The following PRAMEF1 variants were observed in gnomAD, a reference collection of about 807,000 sequenced individuals.
PRAMEF1 encodes PRAME family member 1.
PRAMEF1 carries 21 observed loss-of-function variants against 38.2 expected under a neutral mutation model. That is an observed-to-expected ratio of 0.55 (90% CI 0.39 to 0.79). The LOEUF (loss-of-function observed/expected upper bound fraction) is 0.79. PRAMEF1 is among the 30% of genes least tolerant of loss of function. PRAMEF1 has a pLI of 0.00. For synonymous variants in PRAMEF1, 200 were observed against 229.0 expected, an observed-to-expected ratio of 0.87 and a Z score of 1.14; for missense variants, 497 against 565.8, an observed-to-expected ratio of 0.88 and a Z score of 1.23.
Position 12,794,211 on chromosome 1 carries a change from T to C in PRAMEF1, c.584T>C (p.Leu195Pro), listed in dbSNP as rs1445594940. Residue 195 changes from leucine (L) to proline (P), a missense_variant, in exon 3 of 4, where the codon CTC becomes CCC. This residue lies in a region of PRAMEF1 where 470 missense variants were observed against 501.9 expected (regional missense o/e 0.94). Transcript: ENST00000332296. The part of the protein sequence containing the change: ...LVNYLTPIKY[L>P]RKSLKIIYLN... The stretch of plus-strand genomic sequence containing the variant: ...AATTATCTAACGCCGATTAAATATC[T>C]CAGAAAGTCATTGAAAATAATATAC... 6.2e-7 allele frequency: 1 copy of C among 1,611,426 alleles called. No individual in the cohort carries two copies. The highest frequency in any genetic ancestry group is 8.5e-7 in the Non-Finnish European group (1 of 1,178,380).
At position 12,794,338 on chromosome 1, in the gene PRAMEF1, C is replaced by A. The variant is rs753223619; in HGVS notation, c.711C>A (p.Leu237=). 3.7e-6 allele frequency: 6 copies of A among 1,612,042 alleles called. No individual in the cohort carries two copies. Among genetic ancestry groups the A allele is most frequent in the Non-Finnish European group, 5.1e-6 (6 of 1,179,062 alleles). The part of the protein sequence containing the change: ...YLKEMKNLRK[L]VFSRCHHYTS... The stretch of plus-strand genomic sequence containing the variant: ...AGGAGATGAAGAATCTTCGCAAACT[C>A]GTTTTCTCCAGGTGCCATCATTACA... The change falls in exon 3 of 4, where the codon CTC becomes CTA. Residue 237 remains leucine, a synonymous_variant. Coordinates refer to ENST00000332296, the MANE Select transcript of PRAMEF1 (RefSeq NM_023013.4).
rs200116759 is a variant in PRAMEF1 at position 12,795,827 on chromosome 1, T to C, written c.1256T>C (p.Leu419Ser). ...LETYPAPEES[L>S]NSLVRVNWEI... ...ACGTATCCTGCCCCTGAGGAGAGTTTGAATTCCTTGGTTCGTGTCAATTGG... is the reference window on the plus strand; with the variant it reads ...ACGTATCCTGCCCCTGAGGAGAGTTCGAATTCCTTGGTTCGTGTCAATTGG... Residue 419 changes from leucine (L) to serine (S), a missense_variant, in exon 4 of 4, where the codon TTG (leucine) becomes TCG (serine). Physicochemically the swap from Leu to Ser is moderately radical, Grantham distance 145. Transcript: ENST00000332296. The C allele has an allele frequency of 2.8e-4, 449 of 1,610,618 alleles. 5 individuals carry two copies. In the East Asian group the frequency reaches 1.0e-2, roughly 36 times the overall value.
At chr1:12,793,717 G>A (rs1430118801) in intron 2 of PRAMEF1, among the ~76,000 whole-genome samples, 198 bp from the exon 3 acceptor site, 1 of 151,410 alleles carries the variant, frequency 6.6e-6, no homozygotes, top group Non-Finnish European at 1.5e-5. Flanking sequence ...ACAGAAACCT[G>A]CCTTTACTCA....
chr1:12,794,218 G>A lies in PRAMEF1; in HGVS notation c.591G>A (p.Lys197=). The A allele has an allele frequency of 6.2e-7, 1 of 1,611,484 alleles. No individual in the cohort carries two copies. Residue 197 remains lysine (K), a synonymous_variant, in exon 3 of 4, where the codon AAG becomes AAA. Coordinates refer to ENST00000332296, the MANE Select transcript of PRAMEF1 (RefSeq NM_023013.4). ...TAACGCCGATTAAATATCTCAGAAAGTCATTGAAAATAATATACCTGAATA... is the reference window on the plus strand; with the variant it reads ...TAACGCCGATTAAATATCTCAGAAAATCATTGAAAATAATATACCTGAATA... ...NYLTPIKYLR[K]SLKIIYLNSI...
In PRAMEF1 at chr1:12,793,285, G is replaced by C; in HGVS notation, c.58G>C (p.Asp20His). The change falls in exon 2 of 4, where the codon GAC becomes CAC. Residue 20 changes from aspartate to histidine, a missense_variant. Physicochemically the swap from Asp to His is moderately conservative, Grantham distance 81. Around this residue, in one of 2 missense-constraint regions of PRAMEF1, gnomAD observed 470 missense variants for 501.9 expected, o/e 0.94. Transcript: ENST00000332296. ...GCTGGCAGGGCAGAGCCTGCTGAGA[G>C]ACCAGGCCTTGTCCATCTCTGCCAT... ...LELAGQSLLR[D>H]QALSISAMEE... 1.9e-6 allele frequency: 3 copies of C among 1,607,830 alleles called. No individual in the cohort carries two copies. Among genetic ancestry groups the C allele is most frequent in the South Asian group, 2.2e-5 (2 of 90,328 alleles).
intron 3 of PRAMEF1, chr1:12,794,899 G>T (rs530077980): frequency 7.6e-7 from 1 of 1,323,260 alleles, no homozygotes; most frequent in Non-Finnish European, 1.0e-6. Flanking sequence ...TGTCCTCACC[G>T]GCTTAGTGAT....
At chr1:12,793,067 A>G in intron 1 of PRAMEF1, 136 bp from the exon 2 acceptor site, 1 of 1,218,402 alleles carries the variant, frequency 8.2e-7, no homozygotes, top group South Asian at 1.5e-5. Context: ...GGAGCAATGG[A>G]AGAAAATTAA....
chr1:12,793,102 T>TC (rs1639322961), intron 1 of PRAMEF1, 101 bp from the exon 2 acceptor site: 3 of 1,463,288 alleles, frequency 2.1e-6, no homozygotes, highest in Non-Finnish European at 2.8e-6. Flanking sequence ...CCATGACCCC[T>TC]CCCTCCTTGG....
In PRAMEF1 at chr1:12,794,371, T is replaced by A. The variant is rs199618208; in HGVS notation, c.744T>A (p.Asp248Glu). ...CCAGGTGCCATCATTACACGTCAGA[T>A]AATGAACTCGAAGGACGGTTAGTTG... ...VFSRCHHYTS[D>E]NELEGRLVAK... is the part of the protein sequence containing the mutation. Residue 248 changes from aspartate (D) to glutamate (E), a missense_variant, in exon 3 of 4, where the codon GAT becomes GAA. Transcript: ENST00000332296. The A allele has an allele frequency of 6.2e-7, 1 of 1,602,904 alleles. No individual in the cohort carries two copies.
rs368986123 is a variant in PRAMEF1, at chr1:12,794,125, C to T, written c.498C>T (p.Tyr166=). 1.1e-5 allele frequency: 18 copies of T among 1,610,284 alleles called. 2 individuals are homozygous for T. Among genetic ancestry groups the T allele is most frequent in the African/African-American group, 9.4e-5 (7 of 74,770 alleles). The change falls in exon 3 of 4, where the codon TAC becomes TAT. Residue 166 remains tyrosine, a synonymous_variant. Transcript: ENST00000332296. ...TACCCCAGGATGAATGCCTGAGATA[C>T]CTCTTCCAGTGGGTTTACCAAAGGA... is the stretch of plus-strand genomic sequence containing the variant. ...KEIPQDECLR[Y]LFQWVYQRRG...
intron 1 of PRAMEF1, among the ~76,000 whole-genome samples, chr1:12,792,600 A>G (rs2359502): frequency 6.6e-6 from 1 of 151,334 alleles, no homozygotes; most frequent in African/African-American, 2.4e-5. Context: ...TGTTTGAGTC[A>G]GAGTCCAAGT....
At position 12,795,234 on chromosome 1, in the gene PRAMEF1, AC is replaced by A. The variant is rs574794163; in HGVS notation, c.867-203del. Among the ~76,000 whole-genome samples the A allele has an allele frequency of 1.5e-3, 223 of 151,848 alleles. 3 individuals are homozygous for A. Among genetic ancestry groups the A allele is most frequent in the African/African-American group, 4.9e-3 (204 of 41,318 alleles). On this transcript the variant is annotated intron_variant, in intron 3 of 3. Transcript: ENST00000332296. The stretch of plus-strand genomic sequence containing the variant: ...GATTTTATGGCCTTGAACCAATCAC[AC>A]AAGCAATGGTGAAAGGGCTGAGGCT...
At position 12,794,014 on chromosome 1, in the gene PRAMEF1, G is replaced by C. The variant is rs538325834; in HGVS notation, c.387G>C (p.Thr129=). Residue 129 remains threonine (T), a synonymous_variant, in exon 3 of 4, where the codon ACG becomes ACC. Coordinates refer to ENST00000332296, the MANE Select transcript of PRAMEF1 (RefSeq NM_023013.4). ...CCCTGTCCTGCTTCCCAGAGACCACGAGTAAGAGGCAGACAGCAGAGGACT... is the reference window on the plus strand; with the variant it reads ...CCCTGTCCTGCTTCCCAGAGACCACCAGTAAGAGGCAGACAGCAGAGGACT... The part of the protein sequence containing the change: ...AWALSCFPET[T]SKRQTAEDCP... 1.7e-5 allele frequency: 28 copies of C among 1,608,164 alleles called. 2 individuals carry two copies. In the East Asian group the frequency reaches 5.9e-4, roughly 34 times the overall value.
At position 12,794,002 on chromosome 1, in the gene PRAMEF1, C is replaced by G; in HGVS notation, c.375C>G (p.Phe125Leu). ...RWPGAWALSC[F>L]PETTSKRQTA... is the part of the protein sequence containing the mutation. ...CTGGAGCCTGGGCCCTGTCCTGCTT[C>G]CCAGAGACCACGAGTAAGAGGCAGA... Residue 125 changes from phenylalanine to leucine, a missense_variant, in exon 3 of 4, where the codon TTC (phenylalanine) becomes TTG (leucine). Physicochemically the swap from Phe to Leu is conservative, Grantham distance 22. Coordinates refer to ENST00000332296, the MANE Select transcript of PRAMEF1 (RefSeq NM_023013.4). 1 of 1,608,140 alleles carries G rather than the reference C, an allele frequency of 6.2e-7. No homozygotes were observed. Among genetic ancestry groups the G allele is most frequent in the Non-Finnish European group, 8.5e-7 (1 of 1,177,792 alleles).
chr1:12,793,398 G>C lies in PRAMEF1; in HGVS notation c.171G>C (p.Gln57His), dbSNP rs1431757620. 1.2e-6 allele frequency: 2 copies of C among 1,610,178 alleles called. No individual in the cohort carries two copies. The highest frequency in any genetic ancestry group is 1.7e-6 in the Non-Finnish European group (2 of 1,177,960). The change falls in exon 2 of 4, where the codon CAG becomes CAC. Residue 57 changes from glutamine (Q) to histidine (H), a missense_variant. Around this residue, in one of 2 missense-constraint regions of PRAMEF1, gnomAD observed 470 missense variants for 501.9 expected, o/e 0.94. Coordinates refer to ENST00000332296, the MANE Select transcript of PRAMEF1 (RefSeq NM_023013.4). ...RHFQTLTVMV[Q>H]AWPFTCLPLG... ...TCCAGACTCTGACGGTGATGGTTCAGGCCTGGCCCTTCACCTGCCTCCCTC... is the reference window on the plus strand; with the variant it reads ...TCCAGACTCTGACGGTGATGGTTCACGCCTGGCCCTTCACCTGCCTCCCTC...
intron 1 of PRAMEF1, among the ~76,000 whole-genome samples, chr1:12,792,943 C>A (rs1639319759): frequency 6.6e-6 from 1 of 151,024 alleles, no homozygotes; most frequent in African/African-American, 2.4e-5. Context: ...GGCCACAGGA[C>A]ACTCTCATTC....
intron 2 of PRAMEF1, 33 bp downstream of exon 2, chr1:12,793,547 C>T: frequency 2.5e-6 from 4 of 1,588,902 alleles, no homozygotes; most frequent in Non-Finnish European, 3.4e-6. Flanking sequence ...GTAGATAGGG[C>T]TCAGGTGTCC....
intron 3 of PRAMEF1, chr1:12,794,923 G>A: frequency 7.5e-7 from 1 of 1,326,714 alleles, no homozygotes. Context: ...GAATGATCCT[G>A]TCTCTGATTC....
chr1:12,792,267 C>T (rs903589962), intron 1 of PRAMEF1, among the ~76,000 whole-genome samples: 1 of 151,302 alleles, frequency 6.6e-6, no homozygotes, highest in African/African-American at 2.4e-5. Flanking sequence ...GGAGATCTGC[C>T]CACCTCAGAC....
Sources: allele counts gnomAD v4.1 joint callset (sites outside exome capture counted in the v4.1 genomes callset), GRCh38; gene constraint gnomAD v4.1.1; regional missense constraint gnomAD v4.1.1; transcripts MANE v1.5; gene names NCBI Gene and HGNC (gene_info 2026-07-23, HGNC 2026-07-21).